The following FBXO30 variants were observed in gnomAD, a reference collection of about 807,000 sequenced individuals.
FBXO30 encodes the protein F-box only protein 30.
FBXO30 carries 21 observed loss-of-function variants against 58.1 expected under a neutral mutation model. That is an observed-to-expected ratio of 0.36 (90% CI 0.26 to 0.52). FBXO30 has a LOEUF of 0.52. Among genes scored for constraint, FBXO30 ranks in the 20% least tolerant of loss-of-function variants. FBXO30 has a pLI of 0.93. For synonymous variants in FBXO30, 309 were observed against 312.4 expected, an observed-to-expected ratio of 0.99 and a Z score of 0.11; for missense variants, 744 against 897.3, an observed-to-expected ratio of 0.83 and a Z score of 2.18.
Position 145,805,423 on chromosome 6 carries a change from G to C in FBXO30, c.983C>G (p.Ser328Cys), listed in dbSNP as rs1172266499. The C allele has an allele frequency of 6.2e-7, 1 of 1,613,732 alleles. No individual in the cohort carries two copies. Among genetic ancestry groups the C allele is most frequent in the East Asian group, 2.2e-5 (1 of 44,882 alleles). ...VASSDGTSKP[S>C]SSLAVAAQLR... ...TTGTGCTGCCACCGCAAGTGAGCTG[G>C]AAGGTTTTGAAGTGCCATCTGATGA... is the stretch of plus-strand genomic sequence containing the variant. Residue 328 changes from serine to cysteine, a missense_variant, in exon 2 of 3, where the codon TCC becomes TGC. Ser to Cys is a moderately radical substitution (Grantham distance 112). Transcript: ENST00000237281.
In FBXO30 at chr6:145,804,588, C is replaced by A. The variant is rs1189234861; in HGVS notation, c.1818G>T (p.Leu606Phe). Residue 606 changes from leucine to phenylalanine, a missense_variant, in exon 2 of 3, where the codon TTG becomes TTT. Physicochemically the swap from Leu to Phe is conservative, Grantham distance 22. Coordinates refer to ENST00000237281, the MANE Select transcript of FBXO30 (RefSeq NM_032145.5). ...VLVEPARNCV[L>F]GLHNDHLSSL... ...TACTTAGATGGTCATTATGTAATCC[C>A]AACACACAGTTTCTAGCAGGCTCCA... 1 of 1,613,618 alleles carries A rather than the reference C, an allele frequency of 6.2e-7. No individual in the cohort carries two copies. Among genetic ancestry groups the A allele is most frequent in the Admixed American group, 1.7e-5 (1 of 59,906 alleles).
chr6:145,814,511 C>T (rs994787500), intron 1 of FBXO30, 92 bp downstream of exon 1: 7 of 151,872 alleles, frequency 4.6e-5, no homozygotes, highest in African/African-American at 1.7e-4. Context: ...CGCCTCGGTC[C>T]CGGCCGCGGC....
In FBXO30 at chr6:145,805,591, T is replaced by A. The variant is rs755788097; in HGVS notation, c.815A>T (p.Asp272Val). The A allele has an allele frequency of 6.2e-6, 10 of 1,613,670 alleles. No homozygotes were observed. ...AGTGTCATAAGAACTTGTATTCAAGTCACATAATAAATCACTTGAACCATT... is the reference window on the plus strand; with the variant it reads ...AGTGTCATAAGAACTTGTATTCAAGACACATAATAAATCACTTGAACCATT... ...EQNGSSDLLC[D>V]LNTSSYDTSA... The change falls in exon 2 of 3, where the codon GAC becomes GTC. Residue 272 changes from aspartate to valine, a missense_variant. This residue lies in a region of FBXO30 where 275 missense variants were observed against 262.0 expected (regional missense o/e 1.05). Transcript: ENST00000237281.
chr6:145,804,575 C>T lies in FBXO30; in HGVS notation c.1831G>A (p.Asp611Asn). 2 of 1,613,694 alleles carry T rather than the reference C, an allele frequency of 1.2e-6. No individual in the cohort carries two copies. The highest frequency in any genetic ancestry group is 1.7e-6 in the Non-Finnish European group (2 of 1,179,842). Reference sequence around the variant, plus strand: ...TCAAAAGGAAGACTACTTAGATGGTCATTATGTAATCCCAACACACAGTTT... The same window carrying T: ...TCAAAAGGAAGACTACTTAGATGGTTATTATGTAATCCCAACACACAGTTT... Reference protein sequence around the residue: ...ARNCVLGLHNDHLSSLPFEVL... With the variant: ...ARNCVLGLHNNHLSSLPFEVL... Residue 611 changes from aspartate to asparagine, a missense_variant, in exon 2 of 3, where the codon GAC becomes AAC. Asp to Asn is a conservative substitution (Grantham distance 23). This residue lies in a region of FBXO30 where 334 missense variants were observed against 433.7 expected (regional missense o/e 0.77). Coordinates refer to ENST00000237281, the MANE Select transcript of FBXO30 (RefSeq NM_032145.5).
At chr6:145,812,211 C>A (rs896375809) in intron 1 of FBXO30, among the ~76,000 whole-genome samples, 78 of 152,014 alleles carry the variant, frequency 5.1e-4, no homozygotes, top group African/African-American at 1.8e-3. Flanking sequence ...TTTATTGTTC[C>A]AGATAAAATA....
chr6:145,810,552 A>T (rs931003834), intron 1 of FBXO30, among the ~76,000 whole-genome samples: 1 of 152,188 alleles, frequency 6.6e-6, no homozygotes, highest in African/African-American at 2.4e-5. Flanking sequence ...AATATTAGTA[A>T]ATCATCAAAT....
chr6:145,805,829 A>C lies in FBXO30; in HGVS notation c.577T>G (p.Leu193Val). The C allele has an allele frequency of 6.2e-7, 1 of 1,614,064 alleles. No individual in the cohort carries two copies. Among genetic ancestry groups the C allele is most frequent in the Non-Finnish European group, 8.5e-7 (1 of 1,179,982 alleles). The stretch of plus-strand genomic sequence containing the variant: ...TTCAGGATATCCAAAGCAGCAGCCA[A>C]ACTTCTGGTTGTTTCTACAGTAGCT... The part of the protein sequence containing the change: ...YQATVETTRS[L>V]AAALDILNTA... The change falls in exon 2 of 3, where the codon TTG (leucine) becomes GTG (valine). Residue 193 changes from leucine to valine, a missense_variant. By Grantham distance (32) the Leu-to-Val change is conservative (BLOSUM62 1). This residue lies in a region of FBXO30 where 275 missense variants were observed against 262.0 expected (regional missense o/e 1.05). Transcript: ENST00000237281.
intron 1 of FBXO30, among the ~76,000 whole-genome samples, chr6:145,813,811 G>A (rs921884159): frequency 1.3e-5 from 2 of 152,106 alleles, no homozygotes; most frequent in African/African-American, 4.8e-5. Context: ...CTTTTATCTG[G>A]GACTTACAAC....
Position 145,800,302 on chromosome 6 carries a change from C to A in FBXO30, c.2042G>T (p.Arg681Leu). The A allele has an allele frequency of 6.2e-7, 1 of 1,611,650 alleles. No individual in the cohort carries two copies. Among genetic ancestry groups the A allele is most frequent in the East Asian group, 2.2e-5 (1 of 44,826 alleles). The change falls in exon 3 of 3, where the codon CGA becomes CTA. Residue 681 changes from arginine to leucine, a missense_variant. By Grantham distance (102) the Arg-to-Leu change is moderately radical. Coordinates refer to ENST00000237281, the MANE Select transcript of FBXO30 (RefSeq NM_032145.5). ...AACAGAACAAAATGCAGTACTAAAT[C>A]GCCATACCTACAAGAAAATTCTACT... The part of the protein sequence containing the change: ...SSWQIKEKVW[R>L]FSTAFCSVNE...
chr6:145,811,155 A>G (rs1270805641), intron 1 of FBXO30, among the ~76,000 whole-genome samples: 1 of 152,216 alleles, frequency 6.6e-6, no homozygotes, highest in African/African-American at 2.4e-5. Flanking sequence ...TACATTCAAA[A>G]TTCTGCCTCA....
chr6:145,801,897 T>C (rs1475909332), intron 2 of FBXO30, among the ~76,000 whole-genome samples: 2 of 152,048 alleles, frequency 1.3e-5, no homozygotes, highest in South Asian at 2.1e-4. Flanking sequence ...TCCATACAAC[T>C]GAGAGTCTGG....
Position 145,805,169 on chromosome 6 carries a change from C to G in FBXO30, c.1237G>C (p.Val413Leu). 1.2e-6 allele frequency: 2 copies of G among 1,614,100 alleles called. No individual in the cohort carries two copies. Among genetic ancestry groups the G allele is most frequent in the Non-Finnish European group, 1.7e-6 (2 of 1,179,962 alleles). The change falls in exon 2 of 3, where the codon GTT (valine) becomes CTT (leucine). Residue 413 changes from valine (V) to leucine (L), a missense_variant. Val to Leu is a conservative substitution (Grantham distance 32). Transcript: ENST00000237281. ...TGGAGGCCCATAGGATCTTCTGCAA[C>G]TTCCAAATCTGATGTATCTACTGCT... Reference protein sequence around the residue: ...DKAVDTSDLEVAEDPMGLQGI... With the variant: ...DKAVDTSDLELAEDPMGLQGI...
intron 1 of FBXO30, chr6:145,809,814 A>G (rs550284430): frequency 1.3e-4 from 20 of 152,352 alleles, no homozygotes; most frequent in African/African-American, 4.3e-4. Context: ...GATCTGCCCA[A>G]GGTCATCTAC....
At chr6:145,804,323 A>G in intron 2 of FBXO30, 49 bp downstream of exon 2, 1 of 1,470,018 alleles carries the variant, frequency 6.8e-7, no homozygotes, top group South Asian at 1.3e-5. Flanking sequence ...CAGCAGTATT[A>G]TTAAAGTCCT....
At chr6:145,806,545 A>G in intron 1 of FBXO30, 124 bp from the exon 2 acceptor site, 2 of 714,018 alleles carry the variant, frequency 2.8e-6, no homozygotes, top group Non-Finnish European at 4.6e-6. Context: ...ACATATATAA[A>G]ATAAACATAC....
rs1407787351 is a variant in FBXO30 at position 145,796,538 on chromosome 6, G to A, written c.*3568C>T. 1 of 152,002 alleles carries A rather than the reference G, an allele frequency of 6.6e-6. No individual in the cohort carries two copies. Among genetic ancestry groups the A allele is most frequent in the African/African-American group, 2.4e-5 (1 of 41,430 alleles). 9.4% of individuals were successfully genotyped at this position (152,002 alleles called of 1,614,324 possible). A position where few individuals can be genotyped will look rare whatever the true frequency, so the allele number is the denominator to read the frequency against. ...TCCATCAAAAGTCTGTCCAGAGAATGAGGGCCAATTGCTTTCTCTCTACTG... is the reference window on the plus strand; with the variant it reads ...TCCATCAAAAGTCTGTCCAGAGAATAAGGGCCAATTGCTTTCTCTCTACTG... On this transcript the variant is annotated 3_prime_UTR_variant, in exon 3 of 3. Transcript: ENST00000237281.
chr6:145,804,885 A>G lies in FBXO30; in HGVS notation c.1521T>C (p.Cys507=). The G allele has an allele frequency of 6.2e-7, 1 of 1,613,900 alleles. No individual in the cohort carries two copies. Among genetic ancestry groups the G allele is most frequent in the Non-Finnish European group, 8.5e-7 (1 of 1,179,902 alleles). Residue 507 remains cysteine, a synonymous_variant, in exon 2 of 3, where the codon TGT becomes TGC. Transcript: ENST00000237281. ...GCTGCTTGGGTTGGTACCTAGCGAC[A>G]CATTCCAATACTAAATCCAGCCCAA... The part of the protein sequence containing the change: ...QTLGLDLVLE[C]VARYQPKQRS...
At chr6:145,800,509 C>T (rs1037937384) in intron 2 of FBXO30, among the ~76,000 whole-genome samples, 200 bp from the exon 3 acceptor site, 9 of 152,058 alleles carry the variant, frequency 5.9e-5, no homozygotes, top group African/African-American at 2.2e-4. Flanking sequence ...ACTTCTATGA[C>T]ATTATGACTT....
In FBXO30 at chr6:145,795,259, G is replaced by C. The variant is rs143228533; in HGVS notation, c.*4847C>G. ...AATCTGATGAATTTGCCTTTGTTAGGAGCAACTGACCTAATTTATTGGTCT... is the reference window on the plus strand; with the variant it reads ...AATCTGATGAATTTGCCTTTGTTAGCAGCAACTGACCTAATTTATTGGTCT... On this transcript the variant is annotated 3_prime_UTR_variant, in exon 3 of 3. Coordinates refer to ENST00000237281, the MANE Select transcript of FBXO30 (RefSeq NM_032145.5). 1 of 151,730 alleles carries C rather than the reference G, an allele frequency of 6.6e-6. No homozygotes were observed. The highest frequency in any genetic ancestry group is 2.1e-4 in the South Asian group (1 of 4,818). 9.4% of individuals were successfully genotyped at this position (151,730 alleles called of 1,614,324 possible).
Sources: allele counts gnomAD v4.1 joint callset (sites outside exome capture counted in the v4.1 genomes callset), GRCh38; gene constraint gnomAD v4.1.1; regional missense constraint gnomAD v4.1.1; transcripts MANE v1.5; gene names NCBI Gene and HGNC (gene_info 2026-07-23, HGNC 2026-07-21).